ZFHX3: variants seen among roughly 807,000 people sequenced by gnomAD.
ZFHX3 encodes zinc finger homeobox protein 3.
In ZFHX3, 42 loss-of-function variants were observed where a neutral mutation model predicts 279.1. The observed-to-expected ratio is 0.15, with a 90% confidence interval of 0.12 to 0.19. The LOEUF (loss-of-function observed/expected upper bound fraction) is 0.19. ZFHX3 is among the 10% of genes least tolerant of loss of function. The pLI is 1.00. For missense variants in ZFHX3, 4,981 were observed against 4,754.0 expected (o/e 1.05, Z -1.40); for synonymous variants, 2,293 against 1,957.8 (o/e 1.17, Z -4.52).
At chr16:73,004,121 T>A (rs1257682928) in intron 1 of ZFHX3, among the ~76,000 whole-genome samples, 1 of 149,260 alleles carries the variant, frequency 6.7e-6, no homozygotes, top group Non-Finnish European at 1.5e-5. Flanking sequence ...TCTCTTTTTA[T>A]TTTTGTTTAC....
At chr16:73,296,613 TC>T (rs1647175019) in intron 4 of ZFHX3, among the ~76,000 whole-genome samples, 1 of 152,198 alleles carries the variant, frequency 6.6e-6, no homozygotes, top group Admixed American at 6.5e-5. Context: ...TATTCCCCAA[TC>T]CCTTATTCAG....
intron 2 of ZFHX3, among the ~76,000 whole-genome samples, chr16:73,563,033 T>C (rs1335656524): frequency 6.6e-6 from 1 of 152,124 alleles, no homozygotes; most frequent in African/African-American, 2.4e-5. Flanking sequence ...AATATTGCTC[T>C]GGAAAATTTC....
rs1964565562 is a variant in ZFHX3, at chr16:73,027,818, T to C, written c.-50+19934A>G. Among the ~76,000 whole-genome samples the C allele has an allele frequency of 2.0e-5, 3 of 152,292 alleles. No individual in the cohort carries two copies. The South Asian group carries it at 6.2e-4, about 32-fold the overall frequency. Reference sequence around the variant, plus strand: ...ATATGATGTCACTAACCTTTATTGATCCACTATCAGAGAACTTTGCTTATC... The same window carrying C: ...ATATGATGTCACTAACCTTTATTGACCCACTATCAGAGAACTTTGCTTATC... On this transcript the variant is annotated intron_variant, in intron 1 of 9. Transcript: ENST00000268489.
intron 1 of ZFHX3, among the ~76,000 whole-genome samples, chr16:73,047,459 T>C (rs1567649670): frequency 1.3e-5 from 2 of 151,900 alleles, no homozygotes; most frequent in African/African-American, 4.8e-5. Flanking sequence ...ATGACACCAG[T>C]ACCACAAGTA....
intron 5 of ZFHX3, among the ~76,000 whole-genome samples, chr16:73,211,071 C>T (rs1469694932): frequency 2.6e-5 from 4 of 152,148 alleles, no homozygotes; most frequent in Non-Finnish European, 4.4e-5. Context: ...TGACCCCTGG[C>T]TTTACATTCA....
intron 5 of ZFHX3, among the ~76,000 whole-genome samples, chr16:72,812,584 A>G (rs963237327): frequency 3.5e-4 from 54 of 152,222 alleles, no homozygotes; most frequent in African/African-American, 1.1e-3. Flanking sequence ...TATGTGGGGG[A>G]AAAAAATCAA....
At chr16:73,431,278 G>A (rs1032430747) in intron 3 of ZFHX3, among the ~76,000 whole-genome samples, 5 of 151,466 alleles carry the variant, frequency 3.3e-5, no homozygotes, top group South Asian at 2.1e-4. Context: ...GGTGGCTCAC[G>A]CCTGTAATCC....
chr16:73,546,678 TGC>T lies in ZFHX3; in HGVS notation c.-1546-90422_-1546-90421del, dbSNP rs2020115101. 6.7e-4 allele frequency among the ~76,000 whole-genome samples: 10 copies of T among 14,820 alleles called. No individual in the cohort carries two copies. In the South Asian group the frequency reaches 0.021, roughly 31 times the overall value. 9.7% of individuals were successfully genotyped at this position (14,820 alleles called of 152,430 possible). A position where few individuals can be genotyped will look rare whatever the true frequency, so the allele number is the denominator to read the frequency against. ...AAGCTTTGGGTGCTGCTGTTGCTGC[TGC>T]TGCTGCTGCTGCTGCTGCTGCTGCT... On this transcript the variant is annotated intron_variant, in intron 2 of 17. Coordinates refer to the ZFHX3 transcript ENST00000641206.
chr16:73,262,834 C>T (rs537891320), intron 4 of ZFHX3, among the ~76,000 whole-genome samples: 9 of 152,098 alleles, frequency 5.9e-5, no homozygotes, highest in Non-Finnish European at 7.4e-5. Context: ...TGAAAAAAAC[C>T]GGGGTTAGTC....
At chr16:73,563,230 T>C (rs1180226658) in intron 2 of ZFHX3, among the ~76,000 whole-genome samples, 2 of 148,466 alleles carry the variant, frequency 1.3e-5, no homozygotes, top group African/African-American at 5.0e-5. Context: ...GTGTTTTGTT[T>C]TTGTTTTGTT....
intron 8 of ZFHX3, chr16:73,092,715 C>T (rs1442895447): frequency 3.0e-6 from 1 of 331,970 alleles, no homozygotes; most frequent in East Asian, 8.0e-5. Flanking sequence ...CTCTCGCGCT[C>T]TGGGAGAGCG....
intron 1 of ZFHX3, among the ~76,000 whole-genome samples, chr16:72,970,432 A>AC (rs771926941): frequency 3.3e-5 from 5 of 152,262 alleles, no homozygotes; most frequent in East Asian, 3.9e-4. Flanking sequence ...AGGCCTTTCC[A>AC]CCATTTCCAC....
At chr16:73,044,150 G>GT (rs11451569) in intron 1 of ZFHX3, among the ~76,000 whole-genome samples, 73,312 of 151,878 alleles carry the variant, frequency 0.48, 19,681 homozygotes, top group African/African-American at 0.74. Flanking sequence ...CCTGACCATA[G>GT]TTTTTTAACT....
chr16:73,254,474 G>T (rs1321584264), intron 5 of ZFHX3, among the ~76,000 whole-genome samples: 1 of 151,932 alleles, frequency 6.6e-6, no homozygotes, highest in African/African-American at 2.4e-5. Context: ...TCAGTGAGGT[G>T]TGACTACAAA....
intron 3 of ZFHX3, among the ~76,000 whole-genome samples, chr16:73,411,571 C>T (rs796804461): frequency 3.9e-5 from 6 of 152,162 alleles, no homozygotes; most frequent in African/African-American, 1.4e-4. Flanking sequence ...GGGTAGGACC[C>T]ATAAGTGTAT....
At chr16:73,108,342 A>AG (rs1966329967) in intron 7 of ZFHX3, among the ~76,000 whole-genome samples, 3 of 151,836 alleles carry the variant, frequency 2.0e-5, no homozygotes, top group South Asian at 4.2e-4. Context: ...TTAAAAAAAA[A>AG]AGAGAGAGAG....
In ZFHX3 at chr16:72,889,973, C is replaced by T; in HGVS notation, c.3217-11G>A. ...ATGCTGCTGCAGGTGCTGCAAGTAA[C>T]AAAAGAGAAAGACATGCCTTGGGTA... On this transcript the variant is annotated splice_polypyrimidine_tract_variant and intron_variant, in intron 3 of 9. Coordinates refer to ENST00000268489, the MANE Select transcript of ZFHX3 (RefSeq NM_006885.4). The T allele has an allele frequency of 6.2e-7, 1 of 1,609,004 alleles. No homozygotes were observed. The highest frequency in any genetic ancestry group is 8.5e-7 in the Non-Finnish European group (1 of 1,178,340).
At chr16:73,081,235 C>T (rs62052374) in intron 8 of ZFHX3, 5,820 of 148,426 alleles carry the variant, frequency 0.039, 164 homozygotes, top group African/African-American at 0.084. Context: ...GATAAATGAG[C>T]AAATTGTCTT....
At chr16:73,724,792 C>T (rs772351486) in intron 1 of ZFHX3, among the ~76,000 whole-genome samples, 34 of 152,174 alleles carry the variant, frequency 2.2e-4, no homozygotes, top group Admixed American at 7.2e-4. Flanking sequence ...GCAAACCAAA[C>T]AGAAAGAATT....
Sources: allele counts gnomAD v4.1 joint callset (sites outside exome capture counted in the v4.1 genomes callset), GRCh38; gene constraint gnomAD v4.1.1; transcripts MANE v1.5; gene names NCBI Gene and HGNC (gene_info 2026-07-23, HGNC 2026-07-21).